Variants in AGBL4 observed in about 807,000 individuals in gnomAD.
The protein encoded by AGBL4 is AGBL carboxypeptidase 4, also known as cytosolic carboxypeptidase 6.
AGBL4 carries 58 observed loss-of-function variants against 66.4 expected under a neutral mutation model. That is an observed-to-expected ratio of 0.87 (90% CI 0.71 to 1.09). The LOEUF (loss-of-function observed/expected upper bound fraction) is 1.09, where lower values mean the gene tolerates loss of function less well. Among genes scored for constraint, AGBL4 ranks in the 50% least tolerant of loss-of-function variants. AGBL4 has a pLI of 0.00. For missense variants in AGBL4, 579 were observed against 631.0 expected, an observed-to-expected ratio of 0.92 and a Z score of 0.88; for synonymous variants, 234 against 222.9, an observed-to-expected ratio of 1.05 and a Z score of -0.44.
intron 6 of AGBL4, among the ~76,000 whole-genome samples, chr1:48,802,558 G>A (rs2148745486): frequency 6.6e-6 from 1 of 152,278 alleles, no homozygotes; most frequent in African/African-American, 2.4e-5. Context: ...GCAATTCTAT[G>A]ATTAACTTTC....
chr1:48,826,213 C>T (rs1223633267), intron 6 of AGBL4, among the ~76,000 whole-genome samples: 1 of 152,128 alleles, frequency 6.6e-6, no homozygotes, highest in Non-Finnish European at 1.5e-5. Flanking sequence ...CCAAGCCAGC[C>T]TCAGCTACTA....
At chr1:49,036,622 T>G (rs1357634018) in intron 5 of AGBL4, among the ~76,000 whole-genome samples, 3 of 152,008 alleles carry the variant, frequency 2.0e-5, no homozygotes, top group Admixed American at 2.0e-4. Context: ...TGGAAAGCAG[T>G]GGCACAATTG....
intron 5 of AGBL4, among the ~76,000 whole-genome samples, chr1:48,924,613 G>C (rs114655655): frequency 2.0e-5 from 3 of 152,190 alleles, no homozygotes; most frequent in East Asian, 1.9e-4. Flanking sequence ...AAATTCAGGA[G>C]ACATAAAGCC....
At chr1:48,557,196 G>A (rs1644334083) in intron 11 of AGBL4, among the ~76,000 whole-genome samples, 1 of 152,140 alleles carries the variant, frequency 6.6e-6, no homozygotes, top group South Asian at 2.1e-4. Flanking sequence ...GGCACATCAG[G>A]TGTTCAGTTA....
chr1:48,697,765 G>A (rs1025143380), intron 6 of AGBL4, among the ~76,000 whole-genome samples: 3 of 152,170 alleles, frequency 2.0e-5, no homozygotes, highest in African/African-American at 7.2e-5. Flanking sequence ...AGAAAGAATG[G>A]TGACAGAAAC....
At chr1:49,993,102 T>C (rs1273322205) in intron 1 of AGBL4, among the ~76,000 whole-genome samples, 1 of 152,234 alleles carries the variant, frequency 6.6e-6, no homozygotes, top group South Asian at 2.1e-4. Flanking sequence ...TTCCTTGTCA[T>C]TTCTTCACTG....
At chr1:49,735,252 T>C (rs1281224698) in intron 2 of AGBL4, among the ~76,000 whole-genome samples, 9 of 151,500 alleles carry the variant, frequency 5.9e-5, no homozygotes, top group African/African-American at 7.3e-5. Context: ...GGTAAGCTCA[T>C]TGCAATCACA....
rs375274793 is a variant in AGBL4 at position 49,324,042 on chromosome 1, A to G, written c.283-78178T>C. Among the ~76,000 whole-genome samples, 50 of 152,356 alleles carry G rather than the reference A, an allele frequency of 3.3e-4. 1 individual carries two copies. In the South Asian group the frequency reaches 9.5e-3, roughly 29 times the overall value. ...AGTGCCTGACACAGACCAGGATTCC[A>G]GTGAATGCTAGCTAAACAAATTAAC... On this transcript the variant is annotated intron_variant, in intron 3 of 13. Coordinates refer to ENST00000371839, the MANE Select transcript of AGBL4 (RefSeq NM_032785.4).
intron 11 of AGBL4, chr1:48,586,425 G>A (rs927031970): frequency 1.3e-5 from 2 of 152,714 alleles, no homozygotes; most frequent in African/African-American, 4.8e-5. Flanking sequence ...GAGGGGAGGA[G>A]GGGGAAAAAG....
chr1:49,730,611 C>T lies in AGBL4; in HGVS notation c.158-33174G>A, dbSNP rs148627132. On this transcript the variant is annotated intron_variant, in intron 2 of 13. Transcript: ENST00000371839. ...GTATCTCTGAGTTTTCAGGTGCTGC[C>T]ATGTCCACCTCATCTAGATGCTGGC... Among the ~76,000 whole-genome samples the T allele has an allele frequency of 3.7e-4, 56 of 152,266 alleles. No homozygotes were observed. The East Asian group carries it at 0.011, about 29-fold the overall frequency.
chr1:48,563,603 C>CAG (rs543632270), intron 11 of AGBL4, among the ~76,000 whole-genome samples: 34 of 151,956 alleles, frequency 2.2e-4, no homozygotes, highest in Admixed American at 4.6e-4. Context: ...GAGAAAGTGA[C>CAG]AGAGAGAGAG....
At chr1:49,458,433 A>C (rs1646437833) in intron 3 of AGBL4, among the ~76,000 whole-genome samples, 1 of 151,652 alleles carries the variant, frequency 6.6e-6, no homozygotes, top group Admixed American at 6.6e-5. Context: ...TTCATTTATC[A>C]GGTCTAGGTA....
At chr1:49,642,552 C>T (rs1218467441) in intron 3 of AGBL4, among the ~76,000 whole-genome samples, 2 of 151,858 alleles carry the variant, frequency 1.3e-5, no homozygotes, top group East Asian at 1.9e-4. Flanking sequence ...GACTTTTCAC[C>T]TTTACTGATA....
chr1:49,756,646 A>C (rs994317696), intron 2 of AGBL4, among the ~76,000 whole-genome samples: 1 of 152,220 alleles, frequency 6.6e-6, no homozygotes, highest in African/African-American at 2.4e-5. Flanking sequence ...TAATTGAATC[A>C]TGGAGGGAGT....
intron 4 of AGBL4, among the ~76,000 whole-genome samples, chr1:49,175,532 T>G (rs1646814947): frequency 6.6e-6 from 1 of 152,086 alleles, no homozygotes; most frequent in Admixed American, 6.6e-5. Flanking sequence ...AGATCAACAT[T>G]CATTAAAACA....
chr1:49,814,678 C>G (rs577650478), intron 2 of AGBL4, among the ~76,000 whole-genome samples: 18 of 152,192 alleles, frequency 1.2e-4, no homozygotes, highest in Non-Finnish European at 2.4e-4. Flanking sequence ...CCTCCCATCT[C>G]ACATGTACCC....
At chr1:48,655,449 CA>C (rs1347856050) in intron 7 of AGBL4, among the ~76,000 whole-genome samples, 1 of 152,150 alleles carries the variant, frequency 6.6e-6, no homozygotes, top group Admixed American at 6.5e-5. Flanking sequence ...AAAGAGGGAC[CA>C]GGGGAGCAGA....
rs1186915086 is a variant in AGBL4, at chr1:49,530,278, A to AAAAAAAAAAAAAAAAAAAAAAAAAAAC, written c.282+167034_282+167035insGTTTTTTTTTTTTTTTTTTTTTTTTTT. ...AATTTGTAAAAAAAAAAAAACAAAA[A>AAAAAAAAAAAAAAAAAAAAAAAAAAAC]AAAACTCTATGAGTTTTTTTTTATT... On this transcript the variant is annotated intron_variant, in intron 3 of 13. Coordinates refer to ENST00000371839, the MANE Select transcript of AGBL4 (RefSeq NM_032785.4). Among the ~76,000 whole-genome samples the AAAAAAAAAAAAAAAAAAAAAAAAAAAC allele has an allele frequency of 4.1e-5, 6 of 145,110 alleles. 1 individual carries two copies. Among genetic ancestry groups the AAAAAAAAAAAAAAAAAAAAAAAAAAAC allele is most frequent in the Non-Finnish European group, 7.7e-5 (5 of 64,970 alleles).
chr1:49,735,450 C>A lies in AGBL4; in HGVS notation c.158-38013G>T, dbSNP rs190808288. Among the ~76,000 whole-genome samples the A allele has an allele frequency of 2.6e-5, 4 of 151,388 alleles. No homozygotes were observed. The Admixed American group carries it at 2.6e-4, about 10-fold the overall frequency. ...ATGGAAAAAGGCAAGAAAATGTATT[C>A]TCCCATTGATCCTCCAGAAGAAATG... is the stretch of plus-strand genomic sequence containing the variant. On this transcript the variant is annotated intron_variant, in intron 2 of 13. Transcript: ENST00000371839.
Sources: allele counts gnomAD v4.1 joint callset (sites outside exome capture counted in the v4.1 genomes callset), GRCh38; gene constraint gnomAD v4.1.1; transcripts MANE v1.5; gene names NCBI Gene and HGNC (gene_info 2026-07-23, HGNC 2026-07-21).